LRRC7: variants seen among roughly 807,000 people sequenced by gnomAD.
LRRC7 encodes the protein leucine-rich repeat-containing protein 7.
Under a neutral mutation model 175.7 loss-of-function variants are expected in LRRC7, and 23 were observed. The ratio of observed to expected loss-of-function variants is 0.13; its 90% CI spans 0.09 to 0.19. The LOEUF is 0.19. Ranked by LOEUF, LRRC7 falls within the 10% of genes least tolerant of loss-of-function variation. The pLI is 1.00. For missense variants in LRRC7, 1,354 were observed against 1,904.7 expected (o/e 0.71, Z 5.38); for synonymous variants, 685 against 680.9 (o/e 1.01, Z -0.09).
At chr1:69,585,295 C>T (rs1464087145) in intron 1 of LRRC7, among the ~76,000 whole-genome samples, 1 of 151,934 alleles carries the variant, frequency 6.6e-6, no homozygotes. Context: ...GATTTTTTAA[C>T]AAAAGAATGA....
chr1:69,887,447 G>A (rs1258444721), intron 7 of LRRC7, among the ~76,000 whole-genome samples: 14 of 143,582 alleles, frequency 9.8e-5, no homozygotes, highest in African/African-American at 3.0e-4. Flanking sequence ...CGTAGTTCTC[G>A]AGCCTTGGTT....
intron 7 of LRRC7, among the ~76,000 whole-genome samples, chr1:69,901,032 T>C (rs1278624703): frequency 2.0e-5 from 3 of 152,182 alleles, no homozygotes; most frequent in Non-Finnish European, 4.4e-5. Context: ...GAATGCAATA[T>C]TGAGGAATTT....
chr1:69,605,019 G>C (rs1172388412), intron 1 of LRRC7, among the ~76,000 whole-genome samples: 1 of 152,150 alleles, frequency 6.6e-6, no homozygotes, highest in Non-Finnish European at 1.5e-5. Context: ...ATAGGCAGGT[G>C]TCTTCTCACC....
chr1:69,896,222 T>G (rs534793184), intron 7 of LRRC7, among the ~76,000 whole-genome samples: 2 of 152,234 alleles, frequency 1.3e-5, no homozygotes, highest in East Asian at 3.9e-4. Context: ...ATTTCATATA[T>G]TCATATAATT....
At chr1:69,738,094 G>A (rs561348809) in intron 2 of LRRC7, among the ~76,000 whole-genome samples, 2 of 151,986 alleles carry the variant, frequency 1.3e-5, no homozygotes, top group African/African-American at 2.4e-5. Flanking sequence ...TACTGAGATC[G>A]GTTTTAGTGT....
intron 2 of LRRC7, among the ~76,000 whole-genome samples, chr1:69,714,444 A>T (rs1392285029): frequency 6.6e-6 from 1 of 151,166 alleles, no homozygotes; most frequent in Non-Finnish European, 1.5e-5. Flanking sequence ...ATTAGAATCT[A>T]TTGAAAAGTG....
chr1:69,617,269 G>T (rs1235707623), intron 1 of LRRC7, among the ~76,000 whole-genome samples: 1 of 151,952 alleles, frequency 6.6e-6, no homozygotes, highest in Non-Finnish European at 1.5e-5. Flanking sequence ...GACTAGTATG[G>T]CATATAATGC....
intron 1 of LRRC7, among the ~76,000 whole-genome samples, chr1:69,582,920 A>G (rs748601702): frequency 6.6e-6 from 1 of 152,138 alleles, no homozygotes; most frequent in African/African-American, 2.4e-5. Flanking sequence ...TTTCTCAAGT[A>G]AATTACTTTT....
chr1:70,006,471 CAAA>C (rs1330605625), intron 11 of LRRC7, among the ~76,000 whole-genome samples: 7 of 78,020 alleles, frequency 9.0e-5, no homozygotes, highest in Admixed American at 1.5e-4. Flanking sequence ...GACTCAGTCT[CAAA>C]AAAAAAAAAA....
intron 1 of LRRC7, among the ~76,000 whole-genome samples, chr1:69,640,963 C>G (rs1416818232): frequency 6.6e-6 from 1 of 151,462 alleles, no homozygotes; most frequent in Non-Finnish European, 1.5e-5. Context: ...ATGAAATTTT[C>G]TTTCAAAATG....
At chr1:69,637,341 A>C (rs1653550643) in intron 1 of LRRC7, among the ~76,000 whole-genome samples, 1 of 151,960 alleles carries the variant, frequency 6.6e-6, no homozygotes, top group Non-Finnish European at 1.5e-5. Context: ...TATTGTCTTT[A>C]CATATTCATA....
In LRRC7 at chr1:69,764,648, T is replaced by C. The variant is rs573893113; in HGVS notation, c.303+4255T>C. Among the ~76,000 whole-genome samples, 3 of 152,036 alleles carry C rather than the reference T, an allele frequency of 2.0e-5. No homozygotes were observed. The East Asian group carries it at 5.8e-4, about 29-fold the overall frequency. On this transcript the variant is annotated intron_variant, in intron 3 of 26. Coordinates refer to ENST00000651989, the MANE Select transcript of LRRC7 (RefSeq NM_001370785.2). Reference sequence around the variant, plus strand: ...AAAGTATTCTTCCTGGAAACCTGTTTCTTCATTAGTAAAACTCGGGAAGTA... The same window carrying C: ...AAAGTATTCTTCCTGGAAACCTGTTCCTTCATTAGTAAAACTCGGGAAGTA...
At chr1:69,929,616 A>G (rs576410142) in intron 7 of LRRC7, among the ~76,000 whole-genome samples, 1 of 152,216 alleles carries the variant, frequency 6.6e-6, no homozygotes, top group Non-Finnish European at 1.5e-5. Flanking sequence ...GAAAGAAGTA[A>G]AATAGATTCA....
intron 1 of LRRC7, among the ~76,000 whole-genome samples, chr1:69,657,073 A>T (rs1174384861): frequency 6.6e-6 from 1 of 151,828 alleles, no homozygotes; most frequent in Non-Finnish European, 1.5e-5. Flanking sequence ...GTAAACCTCC[A>T]CAGTCTGTTA....
intron 1 of LRRC7, among the ~76,000 whole-genome samples, chr1:69,588,784 GTCA>G (rs1210030116): frequency 6.6e-6 from 1 of 152,046 alleles, no homozygotes; most frequent in Non-Finnish European, 1.5e-5. Flanking sequence ...TAAATTTATA[GTCA>G]CTGTCACAAA....
At chr1:69,760,928 T>G (rs1342583452) in intron 3 of LRRC7, among the ~76,000 whole-genome samples, 1 of 151,574 alleles carries the variant, frequency 6.6e-6, no homozygotes, top group Non-Finnish European at 1.5e-5. Flanking sequence ...AAAAGTTTAC[T>G]AGGAATTTGA....
chr1:69,713,214 G>T (rs541269145), intron 2 of LRRC7, among the ~76,000 whole-genome samples: 20 of 152,020 alleles, frequency 1.3e-4, no homozygotes, highest in Non-Finnish European at 2.5e-4. Context: ...GGCCAGGCAC[G>T]GTGGTTCATA....
intron 7 of LRRC7, among the ~76,000 whole-genome samples, chr1:69,928,292 C>G (rs1173503071): frequency 3.9e-5 from 6 of 152,200 alleles, no homozygotes; most frequent in Non-Finnish European, 7.3e-5. Context: ...TGCCCGTTCT[C>G]AGATCTCCAG....
chr1:69,727,338 T>G (rs1667087372), intron 2 of LRRC7, among the ~76,000 whole-genome samples: 1 of 152,190 alleles, frequency 6.6e-6, no homozygotes, highest in Admixed American at 6.5e-5. Flanking sequence ...AAGAATGCTT[T>G]GCTGTAAGGG....
Sources: gnomAD v4.1 joint callset for allele counts (sites outside exome capture counted in the v4.1 genomes callset) on GRCh38, gnomAD v4.1.1 for gene constraint, MANE v1.5 for transcripts, NCBI Gene and HGNC (gene_info 2026-07-23, HGNC 2026-07-21) for gene names.